The following STXBP5L variants were observed in gnomAD, a reference collection of about 807,000 sequenced individuals.
The protein encoded by STXBP5L is syntaxin binding protein 5L, also known as syntaxin-binding protein 5-like.
Under a neutral mutation model 144.5 loss-of-function variants are expected in STXBP5L, and 65 were observed. That is an observed-to-expected ratio of 0.45 (90% CI 0.37 to 0.55). The LOEUF (loss-of-function observed/expected upper bound fraction) is 0.55. Among genes scored for constraint, STXBP5L ranks in the 20% least tolerant of loss-of-function variants. The probability of loss-of-function intolerance (pLI) is 0.00; values close to 1 mark genes in which losing one functional copy is unlikely to be tolerated. For synonymous variants in STXBP5L, 505 were observed against 469.6 expected, an observed-to-expected ratio of 1.08 and a Z score of -0.97; for missense variants, 1,298 against 1,405.5, an observed-to-expected ratio of 0.92 and a Z score of 1.22.
At chr3:121,014,304 A>G (rs1244918780) in intron 3 of STXBP5L, among the ~76,000 whole-genome samples, 1 of 151,828 alleles carries the variant, frequency 6.6e-6, no homozygotes, top group Non-Finnish European at 1.5e-5. Context: ...TGTCATCTAC[A>G]ATATCTACCT....
chr3:121,381,335 T>C lies in STXBP5L; in HGVS notation c.2390T>C (p.Ile797Thr). 4.4e-6 allele frequency: 7 copies of C among 1,595,548 alleles called. No individual in the cohort carries two copies. The highest frequency in any genetic ancestry group is 6.0e-6 in the Non-Finnish European group (7 of 1,175,276). ...NSYNRSRSSS[I>T]SSIDKDSKEA... is the part of the protein sequence containing the mutation. ...TATAATCGTTCTAGAAGCTCTAGTA[T>C]CTCCAGTATTGACAAAGATTCTAAA... The change falls in exon 22 of 27, where the codon ATC (isoleucine) becomes ACC (threonine). Residue 797 changes from isoleucine to threonine, a missense_variant. Coordinates refer to ENST00000471454, the MANE Select transcript of STXBP5L (RefSeq NM_001308330.2).
At chr3:121,373,667 G>A (rs1242875523) in intron 20 of STXBP5L, among the ~76,000 whole-genome samples, 2 of 152,044 alleles carry the variant, frequency 1.3e-5, no homozygotes, top group African/African-American at 4.8e-5. Flanking sequence ...ATACTCACAT[G>A]CCCCACCCAG....
At chr3:121,082,743 T>C (rs1166518499) in intron 5 of STXBP5L, among the ~76,000 whole-genome samples, 1 of 152,364 alleles carries the variant, frequency 6.6e-6, no homozygotes, top group East Asian at 1.9e-4. Flanking sequence ...TTTTGTCAAA[T>C]ACTATTTCTG....
chr3:121,124,203 A>G (rs1300183472), intron 7 of STXBP5L, among the ~76,000 whole-genome samples: 1 of 151,910 alleles, frequency 6.6e-6, no homozygotes, highest in Admixed American at 6.6e-5. Context: ...TGTACTAATG[A>G]CATACTTTAT....
At chr3:121,245,664 C>G (rs968176225) in intron 14 of STXBP5L, among the ~76,000 whole-genome samples, 2 of 152,016 alleles carry the variant, frequency 1.3e-5, no homozygotes, top group African/African-American at 4.8e-5. Flanking sequence ...TTATATTGGA[C>G]TTTAAGTCAA....
chr3:121,190,787 G>A (rs1305356763), intron 9 of STXBP5L, among the ~76,000 whole-genome samples: 4 of 152,120 alleles, frequency 2.6e-5, no homozygotes, highest in African/African-American at 7.2e-5. Context: ...CCCAGATGGG[G>A]CGGCTGCTGG....
chr3:120,991,000 A>G (rs965896921), intron 3 of STXBP5L, among the ~76,000 whole-genome samples: 5 of 152,206 alleles, frequency 3.3e-5, no homozygotes, highest in Admixed American at 2.6e-4. Context: ...TAAACTAAAG[A>G]GCTTCTGCAC....
intron 14 of STXBP5L, among the ~76,000 whole-genome samples, chr3:121,250,305 AT>A (rs2049989781): frequency 6.6e-6 from 1 of 152,064 alleles, no homozygotes; most frequent in Non-Finnish European, 1.5e-5. Flanking sequence ...CTCTAGATAT[AT>A]TTGGTGATTT....
At chr3:120,969,266 G>T (rs1429430936) in intron 3 of STXBP5L, among the ~76,000 whole-genome samples, 1 of 151,568 alleles carries the variant, frequency 6.6e-6, no homozygotes, top group Admixed American at 6.6e-5. Context: ...TCTCATCATG[G>T]TTTTAATTTG....
intron 3 of STXBP5L, among the ~76,000 whole-genome samples, chr3:121,022,297 C>T (rs1352985731): frequency 1.3e-5 from 2 of 151,792 alleles, no homozygotes; most frequent in Non-Finnish European, 2.9e-5. Context: ...TTACCAACAA[C>T]AACAAAAAAA....
intron 3 of STXBP5L, among the ~76,000 whole-genome samples, chr3:121,034,244 A>T (rs185877911): frequency 1.3e-5 from 2 of 152,168 alleles, no homozygotes; most frequent in Non-Finnish European, 2.9e-5. Flanking sequence ...TACCCAAATA[A>T]TATACCTTAT....
intron 7 of STXBP5L, among the ~76,000 whole-genome samples, chr3:121,149,528 A>T (rs1247360923): frequency 6.6e-6 from 1 of 152,084 alleles, no homozygotes; most frequent in Non-Finnish European, 1.5e-5. Flanking sequence ...AATTAGAAAA[A>T]AATAAAGTAG....
At chr3:121,382,459 C>T (rs2108684662) in intron 22 of STXBP5L, among the ~76,000 whole-genome samples, 1 of 151,946 alleles carries the variant, frequency 6.6e-6, no homozygotes, top group African/African-American at 2.4e-5. Flanking sequence ...TACTATATTC[C>T]TAATTATAAA....
At chr3:121,371,957 C>A (rs905435256) in intron 20 of STXBP5L, among the ~76,000 whole-genome samples, 3 of 152,158 alleles carry the variant, frequency 2.0e-5, no homozygotes, top group African/African-American at 7.2e-5. Context: ...GGTGCTCATG[C>A]ATATTTACGC....
At chr3:121,086,057 G>A (rs1218236122) in intron 5 of STXBP5L, among the ~76,000 whole-genome samples, 2 of 151,988 alleles carry the variant, frequency 1.3e-5, no homozygotes, top group African/African-American at 4.8e-5. Flanking sequence ...CAAAAGCAAT[G>A]GGGAAATAAT....
chr3:121,022,908 C>A (rs1945665129), intron 3 of STXBP5L, among the ~76,000 whole-genome samples: 1 of 151,816 alleles, frequency 6.6e-6, no homozygotes. Flanking sequence ...CTAGCCAGAG[C>A]AATTAGACAA....
chr3:121,089,293 G>GA (rs2042658948), intron 5 of STXBP5L, among the ~76,000 whole-genome samples: 1 of 151,434 alleles, frequency 6.6e-6, no homozygotes, highest in Non-Finnish European at 1.5e-5. Context: ...GTCTTTTAAA[G>GA]AAAAAATTTT....
At chr3:120,980,980 C>G (rs144827879) in intron 3 of STXBP5L, among the ~76,000 whole-genome samples, 333 of 152,090 alleles carry the variant, frequency 2.2e-3, no homozygotes, top group Non-Finnish European at 3.0e-3. Flanking sequence ...TAGCAGGATA[C>G]AAAATCCTTT....
intron 16 of STXBP5L, among the ~76,000 whole-genome samples, chr3:121,255,908 A>T (rs1237612645): frequency 1.3e-5 from 2 of 152,092 alleles, no homozygotes; most frequent in African/African-American, 2.4e-5. Context: ...TATTTACTAT[A>T]GGCCTGGGTA....
Sources: allele counts gnomAD v4.1 joint callset (sites outside exome capture counted in the v4.1 genomes callset), GRCh38; gene constraint gnomAD v4.1.1; transcripts MANE v1.5; gene names NCBI Gene and HGNC (gene_info 2026-07-23, HGNC 2026-07-21).